The following ZBTB20 variants were observed in gnomAD, a reference collection of about 807,000 sequenced individuals.
ZBTB20 encodes zinc finger and BTB domain-containing protein 20.
Under a neutral mutation model 56.9 loss-of-function variants are expected in ZBTB20, and 9 were observed. That is an observed-to-expected ratio of 0.16 (90% CI 0.10 to 0.28). The LOEUF is 0.28. Among genes scored for constraint, ZBTB20 ranks in the 10% least tolerant of loss-of-function variants. The probability of loss-of-function intolerance (pLI) is 1.00; values close to 1 mark genes in which losing one functional copy is unlikely to be tolerated. For missense variants in ZBTB20, 655 were observed against 1,003.0 expected (o/e 0.65, Z 4.69); for synonymous variants, 417 against 420.7 (o/e 0.99, Z 0.11).
At chr3:115,125,604 T>C (rs2084308971) in intron 1 of ZBTB20, among the ~76,000 whole-genome samples, 1 of 152,154 alleles carries the variant, frequency 6.6e-6, no homozygotes, top group Non-Finnish European at 1.5e-5. Context: ...GGTTTAAGGA[T>C]ATAAAATTTC....
chr3:114,365,678 C>T (rs1663225544), intron 10 of ZBTB20, among the ~76,000 whole-genome samples: 1 of 152,126 alleles, frequency 6.6e-6, no homozygotes, highest in South Asian at 2.1e-4. Context: ...GAAAACCTTT[C>T]CTTTTTGTTG....
Position 114,323,179 on chromosome 3 carries a change from T to A in ZBTB20, c.*15826A>T, listed in dbSNP as rs2470198. The A allele has an allele frequency of 3.9e-5, 6 of 152,152 alleles. No homozygotes were observed. Among genetic ancestry groups the A allele is most frequent in the Non-Finnish European group, 7.4e-5 (5 of 68,012 alleles). The allele number at this position is 152,152 out of a possible 1,614,324, so 9.4% of individuals were successfully genotyped here. A position where few individuals can be genotyped will look rare whatever the true frequency, so the allele number is the denominator to read the frequency against. On this transcript the variant is annotated 3_prime_UTR_variant, in exon 12 of 12. Transcript: ENST00000675478. Reference sequence around the variant, plus strand: ...CTAAGATTAAAAAAGATAATAAAAATAAATTTAACAAAGAAAAGTTAGGAA... The same window carrying A: ...CTAAGATTAAAAAAGATAATAAAAAAAAATTTAACAAAGAAAAGTTAGGAA...
intron 4 of ZBTB20, among the ~76,000 whole-genome samples, chr3:114,835,809 T>G (rs193152667): frequency 5.0e-4 from 76 of 152,320 alleles, no homozygotes; most frequent in Middle Eastern, 3.4e-3. Flanking sequence ...TTTTTCTTTT[T>G]TTGTAAATCT....
chr3:114,945,602 T>TA (rs546289414), intron 3 of ZBTB20, among the ~76,000 whole-genome samples: 2 of 144,800 alleles, frequency 1.4e-5, no homozygotes, highest in East Asian at 1.9e-4. Context: ...GGTTGATTAA[T>TA]AAAAAAAGTT....
At chr3:114,428,010 C>T (rs2089830733) in intron 7 of ZBTB20, among the ~76,000 whole-genome samples, 1 of 152,148 alleles carries the variant, frequency 6.6e-6, no homozygotes. Flanking sequence ...TGCCCAAAGG[C>T]ATCTGTCGTA....
intron 1 of ZBTB20, among the ~76,000 whole-genome samples, chr3:115,140,969 T>C (rs772254304): frequency 1.3e-5 from 2 of 152,128 alleles, no homozygotes; most frequent in Admixed American, 6.5e-5. Flanking sequence ...CTGTCAAGAA[T>C]GGATTTTGAC....
At chr3:114,563,385 A>AAATGTATT (rs918640847) in intron 6 of ZBTB20, among the ~76,000 whole-genome samples, 1 of 152,228 alleles carries the variant, frequency 6.6e-6, no homozygotes, top group Non-Finnish European at 1.5e-5. Context: ...CATAACTCTA[A>AAATGTATT]AATGTATTAA....
In ZBTB20 at chr3:114,350,410, C is replaced by T. The variant is rs538588891; in HGVS notation, c.1668G>A (p.Ala556=). 4.8e-5 allele frequency: 77 copies of T among 1,614,024 alleles called. No individual in the cohort carries two copies. The highest frequency in any genetic ancestry group is 3.3e-4 in the Middle Eastern group (2 of 6,084). The change falls in exon 11 of 12, where the codon GCG becomes GCA. Residue 556 remains alanine (A), a synonymous_variant. Transcript: ENST00000675478. The part of the protein sequence containing the change: ...GLSTFTAQLP[A]PQPLASSAGH... ...CTGCGGATGAGGCCAGGGGCTGTGG[C>T]GCTGGCAGCTGTGCAGTAAAGGTCG...
intron 7 of ZBTB20, among the ~76,000 whole-genome samples, chr3:114,407,400 C>G (rs2139803): frequency 0.27 from 40,820 of 152,030 alleles, 7,807 homozygotes; most frequent in African/African-American, 0.54. Flanking sequence ...TATTGCAAGG[C>G]TTCTTATTTT....
intron 4 of ZBTB20, among the ~76,000 whole-genome samples, chr3:114,837,223 C>A (rs976533339): frequency 6.6e-6 from 1 of 152,202 alleles, no homozygotes; most frequent in Admixed American, 6.5e-5. Context: ...TCTCTTAGAA[C>A]TAATTACTAG....
At chr3:115,118,700 C>CA (rs1274612240) in intron 1 of ZBTB20, among the ~76,000 whole-genome samples, 1 of 101,946 alleles carries the variant, frequency 9.8e-6, no homozygotes, top group Admixed American at 1.1e-4. Context: ...TTACCTGGTA[C>CA]AAATTTTTTT....
intron 6 of ZBTB20, among the ~76,000 whole-genome samples, chr3:114,602,767 C>G (rs755210015): frequency 5.9e-5 from 9 of 151,922 alleles, no homozygotes; most frequent in Non-Finnish European, 1.0e-4. Flanking sequence ...AAAACTCCCC[C>G]CAAAAACTCA....
chr3:115,130,581 A>G (rs950391774), intron 1 of ZBTB20, among the ~76,000 whole-genome samples: 6 of 152,202 alleles, frequency 3.9e-5, no homozygotes, highest in African/African-American at 1.2e-4. Context: ...CTGAAATGCT[A>G]GAAGAACATC....
intron 6 of ZBTB20, among the ~76,000 whole-genome samples, chr3:114,588,985 G>A (rs753908361): frequency 5.9e-5 from 9 of 152,024 alleles, no homozygotes; most frequent in African/African-American, 7.2e-5. Flanking sequence ...TGAGCAAAGG[G>A]GGAAAAGCCC....
intron 7 of ZBTB20, among the ~76,000 whole-genome samples, chr3:114,459,586 C>T (rs1467547229): frequency 1.3e-5 from 2 of 152,090 alleles, no homozygotes; most frequent in Admixed American, 1.3e-4. Context: ...GGTAGATGAT[C>T]TCCCAGAAAA....
intron 6 of ZBTB20, among the ~76,000 whole-genome samples, chr3:114,651,923 C>G (rs993168810): frequency 6.6e-6 from 1 of 151,940 alleles, no homozygotes; most frequent in Non-Finnish European, 1.5e-5. Context: ...AGTTTTAAAA[C>G]AGCTTTGAAG....
chr3:114,627,054 T>C (rs1016644522), intron 6 of ZBTB20, among the ~76,000 whole-genome samples: 15 of 152,218 alleles, frequency 9.9e-5, no homozygotes, highest in Admixed American at 9.2e-4. Context: ...AATATTTTAC[T>C]AGACCTGGTC....
intron 5 of ZBTB20, among the ~76,000 whole-genome samples, chr3:114,756,691 A>G (rs1373933361): frequency 1.3e-5 from 2 of 152,134 alleles, no homozygotes; most frequent in Admixed American, 6.6e-5. Context: ...TATTCAGGCT[A>G]AGTTTAGTCT....
At chr3:114,506,705 G>A (rs952088957) in intron 6 of ZBTB20, among the ~76,000 whole-genome samples, 3 of 152,126 alleles carry the variant, frequency 2.0e-5, no homozygotes, top group Non-Finnish European at 2.9e-5. Context: ...TGCTGAAAAG[G>A]TTTGGCACTG....
Sources: gnomAD v4.1 joint callset for allele counts (sites outside exome capture counted in the v4.1 genomes callset) on GRCh38, gnomAD v4.1.1 for gene constraint, MANE v1.5 for transcripts, NCBI Gene and HGNC (gene_info 2026-07-23, HGNC 2026-07-21) for gene names.